The following UNK variants were observed in gnomAD, a reference collection of about 807,000 sequenced individuals.
The protein encoded by UNK is unk zinc finger, also known as RING finger protein unkempt homolog.
In UNK, 32 loss-of-function variants were observed where a neutral mutation model predicts 97.6. That is an observed-to-expected ratio of 0.33 (90% confidence interval 0.25 to 0.44). The LOEUF (loss-of-function observed/expected upper bound fraction) is 0.44, where lower values mean the gene tolerates loss of function less well. Ranked by LOEUF, UNK falls within the 20% of genes least tolerant of loss-of-function variation. UNK has a pLI of 1.00. For synonymous variants in UNK, 441 were observed against 461.2 expected (o/e 0.96, Z 0.56); for missense variants, 771 against 1,098.4 (o/e 0.70, Z 4.21).
intron 15 of UNK, 30 bp downstream of exon 15, chr17:75,823,552 G>T: frequency 6.6e-7 from 1 of 1,505,898 alleles, no homozygotes; most frequent in South Asian, 1.3e-5. Flanking sequence ...CACTGGGTGG[G>T]ATGCACGGTG....
Position 75,816,631 on chromosome 17 carries a change from T to G in UNK, c.962-139T>G. ...CTGGCACACAGTAAATGCACAGACATGGTGTTACTAGAGATGTCGTAGGAA... is the reference window on the plus strand; with the variant it reads ...CTGGCACACAGTAAATGCACAGACAGGGTGTTACTAGAGATGTCGTAGGAA... On this transcript the variant is annotated intron_variant, in intron 7 of 15. Transcript: ENST00000589666. The surrounding 1 kb of genome is among the most constrained non-coding windows in gnomAD (Gnocchi z 4.0). The G allele has an allele frequency of 9.3e-7, 1 of 1,077,970 alleles. No individual in the cohort carries two copies. The highest frequency in any genetic ancestry group is 1.3e-6 in the Non-Finnish European group (1 of 780,116). 66.8% of individuals were successfully genotyped at this position (1,077,970 alleles called of 1,614,324 possible). A position where few individuals can be genotyped will look rare whatever the true frequency, so the allele number is the denominator to read the frequency against.
intron 7 of UNK, 129 bp downstream of exon 7, chr17:75,815,382 G>A: frequency 1.2e-6 from 1 of 814,584 alleles, no homozygotes; most frequent in Non-Finnish European, 1.9e-6. Flanking sequence ...GCCAGCAGCA[G>A]GCCTTGTCCC....
chr17:75,808,238 G>A (rs1599376738), intron 1 of UNK, among the ~76,000 whole-genome samples: 1 of 152,314 alleles, frequency 6.6e-6, no homozygotes, highest in East Asian at 1.9e-4. Context: ...TGTAGCAGGA[G>A]GGCACAGCTT....
rs1434033095 is a variant in UNK, at chr17:75,812,241, T to G, written c.444T>G (p.Ala148=). 2 of 1,613,718 alleles carry G rather than the reference T, an allele frequency of 1.2e-6. No individual in the cohort carries two copies. The highest frequency in any genetic ancestry group is 1.7e-6 in the Non-Finnish European group (2 of 1,179,800). The change falls in exon 3 of 16, where the codon GCT becomes GCG. Residue 148 remains alanine (A), a synonymous_variant. Transcript: ENST00000589666. ...GCACCAAAAACGGCCTGCACTGCGC[T>G]TTTGCCCACGGGCCCCATGACCTCC... ...GNCTKNGLHC[A]FAHGPHDLRS... is the part of the protein sequence containing the mutation.
At position 75,819,372 on chromosome 17, in the gene UNK, C is replaced by A. The variant is rs532125132; in HGVS notation, c.1547-312C>A. On this transcript the variant is annotated intron_variant, in intron 11 of 15. Transcript: ENST00000589666. This position sits in a 1 kb window ranked among gnomAD's most constrained non-coding sequence, Gnocchi z 5.4. ...ACCCCCACTGATCCCGGGGCTGAGA[C>A]CCTTGAGTTGTAACATCAGGGGACA... 10 of 408,224 alleles carry A rather than the reference C, an allele frequency of 2.4e-5. No homozygotes were observed. Among genetic ancestry groups the A allele is most frequent in the African/African-American group, 2.0e-4 (10 of 49,146 alleles). The allele number at this position is 408,224 out of a possible 1,614,324, so 25.3% of individuals were successfully genotyped here.
Position 75,804,613 on chromosome 17 carries a change from G to A in UNK, c.105-5147G>A, listed in dbSNP as rs367557676. Among the ~76,000 whole-genome samples the A allele has an allele frequency of 2.7e-3, 405 of 148,838 alleles. 11 individuals are homozygous for A. The South Asian group carries it at 0.049, about 18-fold the overall frequency. ...AGCACATTGGGAGGTTGAGGCGGGC[G>A]GATCACCTGAGGTCAGGAGTTCAAG... On this transcript the variant is annotated intron_variant, in intron 1 of 15. Coordinates refer to ENST00000589666, the MANE Select transcript of UNK (RefSeq NM_001080419.3).
chr17:75,800,082 T>C (rs2061841816), intron 1 of UNK, among the ~76,000 whole-genome samples: 1 of 152,186 alleles, frequency 6.6e-6, no homozygotes, highest in Non-Finnish European at 1.5e-5. Flanking sequence ...GTTTTCACTT[T>C]CTTTTGAGAC....
chr17:75,785,295 C>T (rs2061698592), intron 1 of UNK: 1 of 302,072 alleles, frequency 3.3e-6, no homozygotes, highest in African/African-American at 2.2e-5. Flanking sequence ...CATAAAACCA[C>T]AGTAGTAGGC....
chr17:75,799,311 A>C (rs2061835344), intron 1 of UNK, among the ~76,000 whole-genome samples: 1 of 152,100 alleles, frequency 6.6e-6, no homozygotes, highest in African/African-American at 2.4e-5. Flanking sequence ...TTTTCAAAAA[A>C]GTTAATCTGT....
chr17:75,824,502 A>ATG lies in UNK; in HGVS notation c.*89_*90dup, dbSNP rs2143842783. On this transcript the variant is annotated 3_prime_UTR_variant, in exon 16 of 16. Coordinates refer to ENST00000589666, the MANE Select transcript of UNK (RefSeq NM_001080419.3). The surrounding 1 kb of genome is among the most constrained non-coding windows in gnomAD (Gnocchi z 4.9). The stretch of plus-strand genomic sequence containing the variant: ...TATATATATATGAATATATATATAT[A>ATG]TGTGTATGTATGTATGTATATGTAT... 1.1e-6 allele frequency: 1 copy of ATG among 895,012 alleles called. No homozygotes were observed. The highest frequency in any genetic ancestry group is 1.4e-6 in the Non-Finnish European group (1 of 701,158). The allele number at this position is 895,012 out of a possible 1,614,324, so 55.4% of individuals were successfully genotyped here. A position where few individuals can be genotyped will look rare whatever the true frequency, so the allele number is the denominator to read the frequency against.
intron 1 of UNK, among the ~76,000 whole-genome samples, chr17:75,804,977 A>T (rs1460306250): frequency 3.3e-5 from 5 of 151,672 alleles, no homozygotes; most frequent in Admixed American, 2.0e-4. Flanking sequence ...GTGGATCACG[A>T]GGTCAGGAGA....
At chr17:75,793,700 T>C (rs1468398592) in intron 1 of UNK, 1 of 985,342 alleles carries the variant, frequency 1.0e-6, no homozygotes. Context: ...TGTGCATAAG[T>C]TGACTCATTT....
intron 1 of UNK, among the ~76,000 whole-genome samples, chr17:75,796,697 G>A (rs755690194): frequency 2.0e-5 from 3 of 152,158 alleles, no homozygotes; most frequent in Non-Finnish European, 4.4e-5. Flanking sequence ...GTCATGTTTG[G>A]TATCAGAATG....
At chr17:75,801,823 GTGAGCCACTGCACCC>G (rs144348201) in intron 1 of UNK, among the ~76,000 whole-genome samples, 28,106 of 149,842 alleles carry the variant, frequency 0.19, 2,841 homozygotes, top group African/African-American at 0.26. Flanking sequence ...GATTACAGGT[GTGAGCCACTGCACCC>G]GGCTCCCCCC....
chr17:75,800,890 C>T (rs140773326), intron 1 of UNK, among the ~76,000 whole-genome samples: 67 of 151,916 alleles, frequency 4.4e-4, no homozygotes, highest in Non-Finnish European at 8.1e-4. Flanking sequence ...CATTGCTGCA[C>T]GTGTCAGCAT....
rs372165095 is a variant in UNK, at chr17:75,818,077, T to G, written c.1306-26T>G. The G allele has an allele frequency of 6.9e-5, 111 of 1,611,676 alleles. No individual in the cohort carries two copies. Among genetic ancestry groups the G allele is most frequent in the Non-Finnish European group, 9.2e-5 (109 of 1,178,898 alleles). ...CAGGGACCCCCCAGCACCACATTCA[T>G]CCACTCCCTGAATTTTCTCTCTCAG... is the stretch of plus-strand genomic sequence containing the variant. On this transcript the variant is annotated intron_variant, in intron 9 of 15. Coordinates refer to ENST00000589666, the MANE Select transcript of UNK (RefSeq NM_001080419.3). This position sits in a 1 kb window ranked among gnomAD's most constrained non-coding sequence, Gnocchi z 5.1.
intron 1 of UNK, among the ~76,000 whole-genome samples, chr17:75,798,537 G>C (rs758249694): frequency 1.3e-5 from 2 of 151,830 alleles, no homozygotes; most frequent in African/African-American, 4.8e-5. Flanking sequence ...GTAGAGATGG[G>C]GTTTTGCCAT....
At chr17:75,799,327 T>C (rs1228058853) in intron 1 of UNK, among the ~76,000 whole-genome samples, 2 of 152,036 alleles carry the variant, frequency 1.3e-5, no homozygotes, top group African/African-American at 4.8e-5. Context: ...TCTGTAATGG[T>C]CTCTGCACAT....
chr17:75,805,828 GT>G, intron 1 of UNK, among the ~76,000 whole-genome samples: 1 of 151,754 alleles, frequency 6.6e-6, no homozygotes, highest in Non-Finnish European at 1.5e-5. Flanking sequence ...GTGTGTGTGT[GT>G]GTGTGTGTGT....
Sources: gnomAD v4.1 joint callset for allele counts (sites outside exome capture counted in the v4.1 genomes callset) on GRCh38, gnomAD v4.1.1 for gene constraint, Gnocchi (gnomAD v3.1) non-coding constraint, MANE v1.5 for transcripts, NCBI Gene and HGNC (gene_info 2026-07-23, HGNC 2026-07-21) for gene names.